The following MAST4 variants were observed in gnomAD, a reference collection of about 807,000 sequenced individuals.
The protein encoded by MAST4 is microtubule associated serine/threonine kinase family member 4, also known as microtubule-associated serine/threonine-protein kinase 4.
Under a neutral mutation model 162.7 loss-of-function variants are expected in MAST4, and 89 were observed. The ratio of observed to expected loss-of-function variants is 0.55; its 90% CI spans 0.46 to 0.65. The LOEUF (loss-of-function observed/expected upper bound fraction) is 0.65. Among genes scored for constraint, MAST4 ranks in the 30% least tolerant of loss-of-function variants. MAST4 has a pLI of 0.00. For synonymous variants in MAST4, 1,479 were observed against 1,361.1 expected, an observed-to-expected ratio of 1.09 and a Z score of -1.91; for missense variants, 3,153 against 3,374.0, an observed-to-expected ratio of 0.93 and a Z score of 1.62.
At position 66,872,995 on chromosome 5, in the gene MAST4, C is replaced by T. The variant is rs115370568; in HGVS notation, c.643-26956C>T. 1.4e-3 allele frequency among the ~76,000 whole-genome samples: 214 copies of T among 152,266 alleles called. 2 individuals carry two copies. The highest frequency in any genetic ancestry group is 5.0e-3 in the African/African-American group (206 of 41,562). On this transcript the variant is annotated intron_variant, in intron 3 of 28. Coordinates refer to ENST00000403625, the MANE Select transcript of MAST4 (RefSeq NM_001164664.2). The stretch of plus-strand genomic sequence containing the variant: ...TGTTCTATAGTACACTATAAATTAG[C>T]TAACTTTCTTCTACTGGTGGTGAGA...
chr5:67,068,378 A>G (rs1304094233), intron 5 of MAST4, among the ~76,000 whole-genome samples: 1 of 152,172 alleles, frequency 6.6e-6, no homozygotes, highest in Non-Finnish European at 1.5e-5. Flanking sequence ...AGGGGGAAGA[A>G]AGGTACCTTA....
chr5:66,830,320 A>G (rs1168674456), intron 3 of MAST4, among the ~76,000 whole-genome samples: 1 of 152,154 alleles, frequency 6.6e-6, no homozygotes, highest in African/African-American at 2.4e-5. Flanking sequence ...CAGAGGAGAT[A>G]GTTGAAGCAT....
chr5:66,603,988 G>GT (rs1742716201), intron 1 of MAST4, among the ~76,000 whole-genome samples: 1 of 152,226 alleles, frequency 6.6e-6, no homozygotes, highest in Non-Finnish European at 1.5e-5. Context: ...GCGCATTTGT[G>GT]TTTTTCCCTT....
intron 4 of MAST4, among the ~76,000 whole-genome samples, chr5:66,993,303 G>A (rs1406493059): frequency 1.3e-5 from 2 of 152,220 alleles, no homozygotes; most frequent in Admixed American, 6.5e-5. Context: ...TTTGTTTTTA[G>A]TTAACCTTAG....
chr5:66,904,619 A>G (rs154619), intron 4 of MAST4, among the ~76,000 whole-genome samples: 7 of 151,878 alleles, frequency 4.6e-5, no homozygotes, highest in African/African-American at 1.7e-4. Flanking sequence ...GAAGCAGTGA[A>G]TGACACTTGG....
At chr5:66,606,969 T>TATGAATATACTCATTTAA (rs1742935093) in intron 1 of MAST4, among the ~76,000 whole-genome samples, 2 of 151,356 alleles carry the variant, frequency 1.3e-5, no homozygotes, top group African/African-American at 4.9e-5. Context: ...TTAAATTAAA[T>TATGAATATACTCATTTAA]ATTAAATGAG....
intron 3 of MAST4, among the ~76,000 whole-genome samples, chr5:66,801,979 G>A (rs1342664635): frequency 1.3e-5 from 2 of 152,168 alleles, no homozygotes. Flanking sequence ...TAATTGGTTA[G>A]CTATGTAAAA....
chr5:67,017,000 A>G (rs2150371311), intron 4 of MAST4, among the ~76,000 whole-genome samples: 1 of 152,372 alleles, frequency 6.6e-6, no homozygotes, highest in African/African-American at 2.4e-5. Context: ...CTTTTAAAAA[A>G]TGTAATAATT....
At chr5:67,010,466 A>G (rs904977915) in intron 4 of MAST4, among the ~76,000 whole-genome samples, 1 of 152,168 alleles carries the variant, frequency 6.6e-6, no homozygotes, top group Non-Finnish European at 1.5e-5. Context: ...CATCGAAGGC[A>G]CTGAGACTGG....
intron 4 of MAST4, among the ~76,000 whole-genome samples, chr5:66,905,416 G>T (rs1410157879): frequency 6.6e-6 from 1 of 152,060 alleles, no homozygotes; most frequent in Non-Finnish European, 1.5e-5. Flanking sequence ...CATGCTGAGG[G>T]ATTGCTGAGA....
At chr5:66,698,359 C>T (rs1024742868) in intron 1 of MAST4, among the ~76,000 whole-genome samples, 1 of 151,644 alleles carries the variant, frequency 6.6e-6, no homozygotes, top group African/African-American at 2.4e-5. Flanking sequence ...GTCTTACCCA[C>T]CCCTTTCCAC....
intron 1 of MAST4, among the ~76,000 whole-genome samples, chr5:66,686,935 T>G (rs1295471733): frequency 6.6e-6 from 1 of 152,160 alleles, no homozygotes; most frequent in African/African-American, 2.4e-5. Flanking sequence ...TTAAAAAAAT[T>G]TATTTCTAGG....
intron 4 of MAST4, chr5:67,004,904 A>G: frequency 1.5e-6 from 1 of 659,214 alleles, no homozygotes; most frequent in South Asian, 1.7e-5. Flanking sequence ...TTTTTTTTTT[A>G]TTTTTGGCCT....
At chr5:67,007,462 T>C (rs1581179014) in intron 4 of MAST4, among the ~76,000 whole-genome samples, 1 of 152,246 alleles carries the variant, frequency 6.6e-6, no homozygotes, top group African/African-American at 2.4e-5. Flanking sequence ...GTTCCTCTCC[T>C]GCACACTTGC....
chr5:66,826,500 G>A (rs13156837), intron 3 of MAST4, among the ~76,000 whole-genome samples: 42,267 of 151,796 alleles, frequency 0.28, 6,702 homozygotes, highest in Non-Finnish European at 0.35. Flanking sequence ...TAGCTTACAC[G>A]ATTGGTCACA....
intron 4 of MAST4, among the ~76,000 whole-genome samples, chr5:66,905,458 G>T (rs1028821572): frequency 2.0e-5 from 3 of 152,128 alleles, no homozygotes; most frequent in Non-Finnish European, 4.4e-5. Flanking sequence ...CAATTTAAAA[G>T]GTTTTGCTTA....
intron 1 of MAST4, among the ~76,000 whole-genome samples, chr5:66,753,154 G>T (rs1377099838): frequency 6.6e-6 from 1 of 152,040 alleles, no homozygotes; most frequent in East Asian, 1.9e-4. Context: ...TCAAAGCAGT[G>T]TGTAGAGGGA....
At chr5:66,853,829 A>G (rs896104896) in intron 3 of MAST4, among the ~76,000 whole-genome samples, 2 of 152,208 alleles carry the variant, frequency 1.3e-5, no homozygotes, top group African/African-American at 4.8e-5. Flanking sequence ...TTTTAAACAG[A>G]TTGAATAAAC....
rs1332598120 is a variant in MAST4 at position 67,164,377 on chromosome 5, C to T, written c.5198C>T (p.Pro1733Leu). Reference protein sequence around the residue: ...VRPTGGQQEPPPASESRAFVS... With the variant: ...VRPTGGQQEPLPASESRAFVS... ...CCCACGGGTGGGCAGCAGGAGCCCC[C>T]GCCGGCTTCTGAGAGCCGAGCTTTT... is the stretch of plus-strand genomic sequence containing the variant. Residue 1733 changes from proline (P) to leucine (L), a missense_variant, in exon 29 of 29, where the codon CCG becomes CTG. Physicochemically the swap from Pro to Leu is moderately conservative, Grantham distance 98. Around this residue, in one of 7 missense-constraint regions of MAST4, gnomAD observed 1,644 missense variants for 1,495.0 expected, o/e 1.10. Transcript: ENST00000403625. This position sits in a 1 kb window ranked among gnomAD's most constrained non-coding sequence, Gnocchi z 5.3. The T allele has an allele frequency of 3.7e-6, 6 of 1,613,874 alleles. No homozygotes were observed. The East Asian group carries it at 1.1e-4, about 30-fold the overall frequency.
Sources: allele counts gnomAD v4.1 joint callset (sites outside exome capture counted in the v4.1 genomes callset), GRCh38; gene constraint gnomAD v4.1.1; regional missense constraint gnomAD v4.1.1; non-coding constraint Gnocchi (gnomAD v3.1); transcripts MANE v1.5; gene names NCBI Gene and HGNC (gene_info 2026-07-23, HGNC 2026-07-21).